The following CPEB1 variants were observed in gnomAD, a reference collection of about 807,000 sequenced individuals.
The protein encoded by CPEB1 is cytoplasmic polyadenylation element binding protein 1.
CPEB1 carries 7 observed loss-of-function variants against 65.8 expected under a neutral mutation model. The observed-to-expected ratio is 0.11, with a 90% CI of 0.06 to 0.20. CPEB1 has a LOEUF of 0.20. CPEB1 is among the 10% of genes least tolerant of loss of function. The pLI, the probability that CPEB1 is intolerant of heterozygous loss-of-function variation, is 1.00. For synonymous variants in CPEB1, 262 were observed against 260.0 expected (o/e 1.01, Z -0.08); for missense variants, 551 against 712.2 (o/e 0.77, Z 2.58).
At chr15:82,580,122 C>A (rs188341578) in intron 3 of CPEB1, among the ~76,000 whole-genome samples, 1 of 151,278 alleles carries the variant, frequency 6.6e-6, no homozygotes, top group African/African-American at 2.4e-5. Context: ...GAGATCGAGA[C>A]CATCCTGGCC....
At position 82,544,272 on chromosome 15, in the gene CPEB1, G is replaced by GT. The variant is rs35946080; in HGVS notation, c.*319dup. ...TACCTCAATACCTTCTGGACACGTAGTTTTTTTTTTTTTTTTTTTTTTCCC... is the reference window on the plus strand; with the variant it reads ...TACCTCAATACCTTCTGGACACGTAGTTTTTTTTTTTTTTTTTTTTTTTCCC... On this transcript the variant is annotated 3_prime_UTR_variant, in exon 13 of 13. Coordinates refer to ENST00000684509, the MANE Select transcript of CPEB1 (RefSeq NM_001365242.1). 0.2 allele frequency: 26,024 copies of GT among 130,806 alleles called. 2,669 individuals are homozygous for GT. The highest frequency in any genetic ancestry group is 0.27 in the African/African-American group (8,493 of 31,224). The allele number at this position is 130,806 out of a possible 1,614,324, so 8.1% of individuals were successfully genotyped here. A position where few individuals can be genotyped will look rare whatever the true frequency, so the allele number is the denominator to read the frequency against.
chr15:82,621,574 C>T lies in CPEB1; in HGVS notation c.271+5619G>A, dbSNP rs2045304841. ...CAGAGGTTGCGGTGAGCCAAGATCC[C>T]GCCATTGCACTCCAGCCTGGGAAAC... On this transcript the variant is annotated intron_variant, in intron 3 of 12. Transcript: ENST00000684509. 2.6e-5 allele frequency among the ~76,000 whole-genome samples: 4 copies of T among 151,382 alleles called. No individual in the cohort carries two copies. The South Asian group carries it at 8.3e-4, about 32-fold the overall frequency.
intron 3 of CPEB1, among the ~76,000 whole-genome samples, chr15:82,610,634 T>TA (rs1438173371): frequency 6.6e-6 from 1 of 151,734 alleles, no homozygotes; most frequent in African/African-American, 2.4e-5. Context: ...CCTTTCATGA[T>TA]AAAAATATTC....
At chr15:82,634,211 A>C (rs1032565875) in intron 1 of CPEB1, among the ~76,000 whole-genome samples, 1 of 149,964 alleles carries the variant, frequency 6.7e-6, no homozygotes, top group Non-Finnish European at 1.5e-5. Flanking sequence ...TCTATGGTTC[A>C]GAAGTATCAC....
At chr15:82,638,905 T>C (rs1181829534) in intron 1 of CPEB1, among the ~76,000 whole-genome samples, 2 of 152,254 alleles carry the variant, frequency 1.3e-5, no homozygotes, top group African/African-American at 2.4e-5. Flanking sequence ...TACTACAGTT[T>C]AATGGCATTG....
chr15:82,599,954 T>G (rs1315632606), intron 3 of CPEB1, among the ~76,000 whole-genome samples: 3 of 151,490 alleles, frequency 2.0e-5, no homozygotes, highest in Non-Finnish European at 4.4e-5. Flanking sequence ...AAAGATAGAA[T>G]GAGAAAGTAG....
At chr15:82,554,042 G>A in intron 6 of CPEB1, 51 bp from the exon 7 acceptor site, 1 of 1,132,228 alleles carries the variant, frequency 8.8e-7, no homozygotes, top group Non-Finnish European at 1.3e-6. Context: ...AATCAACAAA[G>A]CCACACTCTT....
At chr15:82,647,769 C>T, upstream of CPEB1, 1 of 1,163,700 alleles carries the variant, frequency 8.6e-7, no homozygotes, top group Non-Finnish European at 1.1e-6. Context: ...ATGGGGGTAC[C>T]GCGGCGCCGG....
At chr15:82,620,903 G>C (rs2045242968) in intron 3 of CPEB1, among the ~76,000 whole-genome samples, 1 of 152,176 alleles carries the variant, frequency 6.6e-6, no homozygotes, top group South Asian at 2.1e-4. Flanking sequence ...CTCTACATGT[G>C]ACTAGTTATA....
chr15:82,623,502 AC>A (rs1370642190), intron 3 of CPEB1, among the ~76,000 whole-genome samples: 2 of 151,890 alleles, frequency 1.3e-5, no homozygotes, highest in Non-Finnish European at 2.9e-5. Context: ...ATGTGGTGAA[AC>A]CCCCATCTCT....
chr15:82,610,738 ACC>A (rs2044051571), intron 3 of CPEB1, among the ~76,000 whole-genome samples: 1 of 151,806 alleles, frequency 6.6e-6, no homozygotes, highest in Admixed American at 6.6e-5. Flanking sequence ...CCGGTGGATC[ACC>A]TGAGGTCAGG....
intron 1 of CPEB1, chr15:82,630,094 TAAGATGCA>T: frequency 1.0e-6 from 1 of 985,426 alleles, no homozygotes; most frequent in South Asian, 4.7e-5. Context: ...TCATGAAGGC[TAAGATGCA>T]AAGATTTATA....
At chr15:82,584,332 C>T (rs934342036) in intron 3 of CPEB1, among the ~76,000 whole-genome samples, 6 of 149,484 alleles carry the variant, frequency 4.0e-5, no homozygotes, top group African/African-American at 7.4e-5. Context: ...AAGTTTTTAC[C>T]TGTCTAAATT....
At position 82,551,309 on chromosome 15, in the gene CPEB1, A is replaced by G. The variant is rs189646832; in HGVS notation, c.1281+1171T>C. Among the ~76,000 whole-genome samples the G allele has an allele frequency of 1.1e-4, 17 of 152,330 alleles. No homozygotes were observed. In the East Asian group the frequency reaches 2.5e-3, roughly 22 times the overall value. Reference sequence around the variant, plus strand: ...AGGTTTACAGTAAATCTGAGCAGAAAGTACAGGGATTCTCCAAATACTCTC... The same window carrying G: ...AGGTTTACAGTAAATCTGAGCAGAAGGTACAGGGATTCTCCAAATACTCTC... On this transcript the variant is annotated intron_variant, in intron 9 of 12. Transcript: ENST00000684509.
Position 82,627,227 on chromosome 15 carries a change from T to G in CPEB1, c.237A>C (p.Thr79=). 6.2e-7 allele frequency: 1 copy of G among 1,612,456 alleles called. No individual in the cohort carries two copies. ...GATCATGAATTCCTCGGTTTATAGG[T>G]GTAGTGCAGACTCTACTGAAATCCA... ...NSLDFSRVCT[T]PINRGIHDHL... Residue 79 remains threonine, a synonymous_variant, in exon 3 of 13, where the codon ACA becomes ACC. Coordinates refer to ENST00000684509, the MANE Select transcript of CPEB1 (RefSeq NM_001365242.1).
At chr15:82,545,070 A>G (rs1037596168) in intron 12 of CPEB1, among the ~76,000 whole-genome samples, 23 of 152,298 alleles carry the variant, frequency 1.5e-4, no homozygotes, top group Middle Eastern at 3.4e-3. Flanking sequence ...GTATAAGGAT[A>G]CTGACTAAAA....
At chr15:82,634,078 C>T (rs1459974445) in intron 1 of CPEB1, among the ~76,000 whole-genome samples, 16 of 151,966 alleles carry the variant, frequency 1.1e-4, no homozygotes, top group Admixed American at 1.0e-3. Context: ...TCCAATTACA[C>T]ACCAGTTATT....
At chr15:82,647,584 G>C (rs587736582), upstream of CPEB1, 9 of 319,194 alleles carry the variant, frequency 2.8e-5, no homozygotes, top group East Asian at 3.9e-4. Flanking sequence ...GGAGGCCGCA[G>C]TGCGGCTCGG....
upstream of CPEB1, chr15:82,647,903 TGACCGGCC>T (rs1256699805): frequency 1.6e-6 from 2 of 1,230,124 alleles, no homozygotes; most frequent in Non-Finnish European, 2.0e-6. Context: ...GCTGACGGGC[TGACCGGCC>T]AGCCGGCGGG....
Sources: gnomAD v4.1 joint callset for allele counts (sites outside exome capture counted in the v4.1 genomes callset) on GRCh38, gnomAD v4.1.1 for gene constraint, MANE v1.5 for transcripts, NCBI Gene and HGNC (gene_info 2026-07-23, HGNC 2026-07-21) for gene names.